Variants in NBAS observed in about 807,000 individuals in gnomAD.
The protein encoded by NBAS is NBAS subunit of NRZ tethering complex, also known as NAG/BC035112 fusion.
NBAS carries 219 observed loss-of-function variants against 302.5 expected under a neutral mutation model. That is an observed-to-expected ratio of 0.72 (90% CI 0.65 to 0.81). NBAS has a LOEUF of 0.81. Among genes scored for constraint, NBAS ranks in the 30% least tolerant of loss-of-function variants. The pLI, the probability that NBAS is intolerant of heterozygous loss-of-function variation, is 0.00. For synonymous variants in NBAS, 1,118 were observed against 1,021.6 expected (o/e 1.09, Z -1.80); for missense variants, 2,932 against 2,841.6 (o/e 1.03, Z -0.72).
chr2:14,924,596 T>A, the NBAS span, among the ~76,000 whole-genome samples: 1 of 152,232 alleles, frequency 6.6e-6, no homozygotes, highest in South Asian at 2.1e-4. Context: ...TTCCTTGTGA[T>A]TTCATATATA....
chr2:15,098,246 T>TGTATATAATATAGTGTATAC, the NBAS span, among the ~76,000 whole-genome samples: 5 of 34,026 alleles, frequency 1.5e-4, no homozygotes, highest in East Asian at 3.0e-3. Flanking sequence ...ATATAATATA[T>TGTATATAATATAGTGTATAC]TATATGTATA....
chr2:15,356,272 A>G (rs1673613961), intron 33 of NBAS, 31 bp downstream of exon 33: 2 of 1,539,634 alleles, frequency 1.3e-6, no homozygotes, highest in Admixed American at 1.7e-5. Context: ...AAGAGGACAT[A>G]AGCAAAGTGT....
At chr2:15,225,038 T>C (rs567514323) in intron 47 of NBAS, among the ~76,000 whole-genome samples, 5 of 152,240 alleles carry the variant, frequency 3.3e-5, no homozygotes, top group Non-Finnish European at 7.4e-5. Flanking sequence ...AATCAAGGTA[T>C]ATTAAAAGAA....
At chr2:15,396,776 G>A (rs1572780079) in intron 26 of NBAS, among the ~76,000 whole-genome samples, 1 of 152,098 alleles carries the variant, frequency 6.6e-6, no homozygotes. Context: ...TTAAGATGAG[G>A]TAAAAGGTAA....
the NBAS span, among the ~76,000 whole-genome samples, chr2:15,079,130 C>A: frequency 6.6e-6 from 1 of 152,074 alleles, no homozygotes; most frequent in Non-Finnish European, 1.5e-5. Flanking sequence ...CCTGGAAAAT[C>A]TGACTATAAA....
At chr2:14,994,178 G>A in the NBAS span, among the ~76,000 whole-genome samples, 1 of 152,138 alleles carries the variant, frequency 6.6e-6, no homozygotes, top group African/African-American at 2.4e-5. Flanking sequence ...TTCATAACAT[G>A]TGCTCAATAA....
chr2:15,522,328 G>A (rs1030039159), intron 9 of NBAS, among the ~76,000 whole-genome samples: 1 of 152,182 alleles, frequency 6.6e-6, no homozygotes, highest in African/African-American at 2.4e-5. Flanking sequence ...TGAAGATCAT[G>A]AGTTGAGAAT....
chr2:14,961,574 G>A, the NBAS span, among the ~76,000 whole-genome samples: 1 of 152,156 alleles, frequency 6.6e-6, no homozygotes, highest in East Asian at 1.9e-4. Context: ...CTGCAGAATA[G>A]GCCAAATAAA....
In NBAS at chr2:15,277,326, G is replaced by C. The variant is rs75096027; in HGVS notation, c.5139-225C>G. On this transcript the variant is annotated intron_variant, in intron 42 of 51. Coordinates refer to ENST00000281513, the MANE Select transcript of NBAS (RefSeq NM_015909.4). ...TACACACTCGTCATGTTATCTCACG[G>C]GGGTCTACAGCAACCCTGTGAAGTA... Among the ~76,000 whole-genome samples, 487 of 152,242 alleles carry C rather than the reference G, an allele frequency of 3.2e-3. 5 individuals carry two copies. Among genetic ancestry groups the C allele is most frequent in the African/African-American group, 0.011 (456 of 41,560 alleles).
chr2:14,914,408 T>C, the NBAS span, among the ~76,000 whole-genome samples: 1 of 152,198 alleles, frequency 6.6e-6, no homozygotes, highest in South Asian at 2.1e-4. Context: ...GCAGGTTTCA[T>C]AATATCAAGA....
chr2:15,317,435 G>C (rs1167490110), intron 38 of NBAS, among the ~76,000 whole-genome samples: 2 of 152,140 alleles, frequency 1.3e-5, no homozygotes, highest in African/African-American at 4.8e-5. Context: ...CAGAAGGTCG[G>C]TAATAACAAA....
chr2:14,862,604 TA>T, the NBAS span, among the ~76,000 whole-genome samples: 1 of 152,182 alleles, frequency 6.6e-6, no homozygotes, highest in Non-Finnish European at 1.5e-5. Flanking sequence ...AAAATTAAAA[TA>T]ATAACTAAAT....
rs1333934729 is a variant in NBAS, at chr2:15,309,201, C to G, written c.4629G>C (p.Leu1543Phe). ...GTAAGGCAAGAAGGTAAGCAAGAGCCAAGGTCATGTCATTTGGCAAGGCTT... is the reference window on the plus strand; with the variant it reads ...GTAAGGCAAGAAGGTAAGCAAGAGCGAAGGTCATGTCATTTGGCAAGGCTT... ...ASEALPNDMT[L>F]ALAYLLALPQ... is the part of the protein sequence containing the mutation. Residue 1543 changes from leucine to phenylalanine, a missense_variant, in exon 39 of 52, where the codon TTG becomes TTC. Transcript: ENST00000281513. 1.2e-6 allele frequency: 2 copies of G among 1,612,722 alleles called. No homozygotes were observed. Among genetic ancestry groups the G allele is most frequent in the East Asian group, 2.2e-5 (1 of 44,802 alleles).
chr2:15,503,287 G>T (rs1004901171), intron 11 of NBAS, among the ~76,000 whole-genome samples: 5 of 152,000 alleles, frequency 3.3e-5, no homozygotes, highest in African/African-American at 9.7e-5. Flanking sequence ...AAAAAGTACA[G>T]TACAGTCAAG....
chr2:15,487,338 G>A (rs1192404408), intron 12 of NBAS, among the ~76,000 whole-genome samples: 1 of 152,132 alleles, frequency 6.6e-6, no homozygotes, highest in Non-Finnish European at 1.5e-5. Context: ...TTCATGTATT[G>A]TGCATCAAGA....
chr2:15,485,426 G>A (rs1680583417), intron 12 of NBAS, among the ~76,000 whole-genome samples: 1 of 152,144 alleles, frequency 6.6e-6, no homozygotes, highest in Admixed American at 6.5e-5. Context: ...TCTGGCATTC[G>A]CTAGCCTAAT....
chr2:14,903,650 C>T, the NBAS span, among the ~76,000 whole-genome samples: 6 of 152,308 alleles, frequency 3.9e-5, no homozygotes, highest in South Asian at 2.1e-4. Context: ...AGAACTGAAA[C>T]GAGACACTTT....
the NBAS span, among the ~76,000 whole-genome samples, chr2:15,078,196 C>T: frequency 6.6e-6 from 1 of 152,118 alleles, no homozygotes; most frequent in African/African-American, 2.4e-5. Context: ...TGAATTTTAT[C>T]CTGCAGGCAA....
the NBAS span, among the ~76,000 whole-genome samples, chr2:15,003,744 CTTTTTTGAATTAGG>C: frequency 6.6e-6 from 1 of 152,164 alleles, no homozygotes; most frequent in African/African-American, 2.4e-5. Context: ...CACTTTGTCA[CTTTTTTGAATTAGG>C]CTCTAACCAA....
Sources: gnomAD v4.1 joint callset for allele counts (sites outside exome capture counted in the v4.1 genomes callset) on GRCh38, gnomAD v4.1.1 for gene constraint, MANE v1.5 for transcripts, NCBI Gene and HGNC (gene_info 2026-07-23, HGNC 2026-07-21) for gene names.